The following TNRC6B variants were observed in gnomAD, a reference collection of about 807,000 sequenced individuals.
TNRC6B encodes the protein trinucleotide repeat-containing gene 6B protein.
TNRC6B carries 52 observed loss-of-function variants against 203.6 expected under a neutral mutation model. The ratio of observed to expected loss-of-function variants is 0.26; its 90% confidence interval spans 0.20 to 0.32. The LOEUF (loss-of-function observed/expected upper bound fraction) is 0.32, where lower values mean the gene tolerates loss of function less well. Among genes scored for constraint, TNRC6B ranks in the 10% least tolerant of loss-of-function variants. TNRC6B has a pLI of 1.00. For synonymous variants in TNRC6B, 838 were observed against 845.7 expected, an observed-to-expected ratio of 0.99 and a Z score of 0.16; for missense variants, 1,923 against 2,286.2, an observed-to-expected ratio of 0.84 and a Z score of 3.24.
intron 3 of TNRC6B, among the ~76,000 whole-genome samples, chr22:40,138,585 T>C (rs923821716): frequency 1.3e-5 from 2 of 152,184 alleles, no homozygotes; most frequent in South Asian, 2.1e-4. Flanking sequence ...TACTTTTAAC[T>C]GGGTGTGGAT....
At chr22:40,202,059 A>G (rs2069419565) in intron 1 of TNRC6B, among the ~76,000 whole-genome samples, 1 of 152,128 alleles carries the variant, frequency 6.6e-6, no homozygotes, top group Non-Finnish European at 1.5e-5. Flanking sequence ...CTTTTGTCTC[A>G]AGTAGTGTAA....
intron 3 of TNRC6B, among the ~76,000 whole-genome samples, chr22:40,134,295 C>A (rs1170828732): frequency 6.6e-6 from 1 of 152,184 alleles, no homozygotes; most frequent in African/African-American, 2.4e-5. Context: ...AATGGCACTT[C>A]AATTTCTAGT....
chr22:40,154,760 G>A (rs1241274935), intron 3 of TNRC6B, among the ~76,000 whole-genome samples: 1 of 143,302 alleles, frequency 7.0e-6, no homozygotes, highest in Non-Finnish European at 1.5e-5. Context: ...AGAATGGTGT[G>A]AACCTGGGAG....
At chr22:40,269,126 C>CTTTT (rs35575346) in intron 5 of TNRC6B, among the ~76,000 whole-genome samples, 3 of 57,856 alleles carry the variant, frequency 5.2e-5, no homozygotes, top group African/African-American at 6.5e-5. Context: ...TACAGTATTT[C>CTTTT]TTTTTTTTTT....
chr22:40,237,430 C>T (rs1258892342), intron 1 of TNRC6B, among the ~76,000 whole-genome samples: 1 of 152,188 alleles, frequency 6.6e-6, no homozygotes, highest in Non-Finnish European at 1.5e-5. Flanking sequence ...AATTCTCAGC[C>T]TCAGCCTGGT....
At chr22:40,267,545 T>C (rs2070498426) in intron 5 of TNRC6B, among the ~76,000 whole-genome samples, 1 of 152,134 alleles carries the variant, frequency 6.6e-6, no homozygotes, top group Non-Finnish European at 1.5e-5. Flanking sequence ...TGATTACCTC[T>C]GGAATGGGAG....
At chr22:40,051,429 C>T (rs2067743441) in intron 1 of TNRC6B, among the ~76,000 whole-genome samples, 1 of 152,230 alleles carries the variant, frequency 6.6e-6, no homozygotes, top group Admixed American at 6.5e-5. Context: ...CCTCCCTCCA[C>T]CCAGCATGGG....
chr22:40,306,233 A>G (rs5750933), intron 15 of TNRC6B, among the ~76,000 whole-genome samples: 2 of 152,350 alleles, frequency 1.3e-5, no homozygotes, highest in East Asian at 1.9e-4. Context: ...CGAAGGTTGC[A>G]GTGAGCCAAG....
At chr22:40,178,366 T>C (rs2069090804) in intron 1 of TNRC6B, among the ~76,000 whole-genome samples, 1 of 152,224 alleles carries the variant, frequency 6.6e-6, no homozygotes, top group Non-Finnish European at 1.5e-5. Context: ...AATTGCACTT[T>C]TAATGTATAT....
chr22:40,254,259 A>G (rs548207350), intron 3 of TNRC6B, among the ~76,000 whole-genome samples: 2 of 152,214 alleles, frequency 1.3e-5, no homozygotes, highest in South Asian at 4.1e-4. Flanking sequence ...AATCGTTCAG[A>G]TTTAACAGGG....
chr22:40,210,096 A>G (rs1168335535), intron 1 of TNRC6B, among the ~76,000 whole-genome samples: 3 of 151,082 alleles, frequency 2.0e-5, no homozygotes, highest in Admixed American at 6.6e-5. Context: ...CTGCATCACC[A>G]CTGTTGGAGA....
At chr22:40,135,967 G>C (rs916541365) in intron 3 of TNRC6B, among the ~76,000 whole-genome samples, 1 of 152,178 alleles carries the variant, frequency 6.6e-6, no homozygotes, top group Admixed American at 6.5e-5. Flanking sequence ...GCCTACTTCA[G>C]CCTGTGGACT....
intron 4 of TNRC6B, among the ~76,000 whole-genome samples, chr22:40,172,783 C>G (rs1300263598): frequency 1.3e-5 from 2 of 152,128 alleles, no homozygotes; most frequent in Non-Finnish European, 2.9e-5. Context: ...TAGCATTCAC[C>G]TAGAAAATTG....
intron 3 of TNRC6B, among the ~76,000 whole-genome samples, chr22:40,142,484 AGAAT>A (rs2068653156): frequency 1.3e-5 from 2 of 152,176 alleles, no homozygotes; most frequent in Admixed American, 6.5e-5. Context: ...CACATCCACT[AGAAT>A]GGCTAAAATA....
intron 3 of TNRC6B, among the ~76,000 whole-genome samples, chr22:40,150,710 CTT>C (rs926418737): frequency 1.7e-4 from 26 of 152,328 alleles, no homozygotes; most frequent in African/African-American, 5.3e-4. Flanking sequence ...ACATATGAGA[CTT>C]TACCAGCTCT....
intron 2 of TNRC6B, among the ~76,000 whole-genome samples, chr22:40,250,387 A>C (rs1404244508): frequency 2.0e-5 from 3 of 152,176 alleles, no homozygotes; most frequent in African/African-American, 7.2e-5. Context: ...GAAGTCCATT[A>C]CTATGTTCAG....
At chr22:40,304,505 G>A (rs1244218989) in intron 15 of TNRC6B, among the ~76,000 whole-genome samples, 1 of 152,100 alleles carries the variant, frequency 6.6e-6, no homozygotes, top group African/African-American at 2.4e-5. Context: ...GCTAGGGGAA[G>A]GAACATATAC....
upstream of TNRC6B, among the ~76,000 whole-genome samples, chr22:40,176,684 T>A (rs2146374718): frequency 6.6e-6 from 1 of 152,304 alleles, no homozygotes; most frequent in East Asian, 1.9e-4. Context: ...CTTATACAGT[T>A]TACAGTCTCC....
chr22:40,317,886 A>G (rs2071280713), intron 21 of TNRC6B, among the ~76,000 whole-genome samples: 1 of 152,228 alleles, frequency 6.6e-6, no homozygotes, highest in Non-Finnish European at 1.5e-5. Flanking sequence ...GACATACAAA[A>G]TGCATTCTCT....
Sources: allele counts gnomAD v4.1 joint callset (sites outside exome capture counted in the v4.1 genomes callset), GRCh38; gene constraint gnomAD v4.1.1; transcripts MANE v1.5; gene names NCBI Gene and HGNC (gene_info 2026-07-23, HGNC 2026-07-21).